Variants in GRID1 observed in about 807,000 individuals in gnomAD.
GRID1 encodes glutamate receptor ionotropic, delta-1.
A neutral mutation model predicts 98.0 loss-of-function variants in GRID1; 28 were observed. The ratio of observed to expected loss-of-function variants is 0.29; its 90% CI spans 0.21 to 0.39. The LOEUF is 0.39. Among genes scored for constraint, GRID1 ranks in the 10% least tolerant of loss-of-function variants. The pLI is 1.00. For synonymous variants in GRID1, 553 were observed against 538.5 expected, an observed-to-expected ratio of 1.03 and a Z score of -0.37; for missense variants, 1,111 against 1,340.5, an observed-to-expected ratio of 0.83 and a Z score of 2.67.
Position 86,121,243 on chromosome 10 carries a change from T to G in GRID1, c.726+17576A>C, listed in dbSNP as rs567057244. The stretch of plus-strand genomic sequence containing the variant: ...TCTCCTCCAGCCACCTCTCAAGCTG[T>G]GCTTTGGCTCTGTCCCTAAAGTTGC... On this transcript the variant is annotated intron_variant, in intron 4 of 15. Transcript: ENST00000327946. Among the ~76,000 whole-genome samples, 3 of 151,438 alleles carry G rather than the reference T, an allele frequency of 2.0e-5. No homozygotes were observed. In the East Asian group the frequency reaches 5.8e-4, roughly 29 times the overall value.
At chr10:86,160,629 T>C (rs1197513955) in intron 3 of GRID1, among the ~76,000 whole-genome samples, 1 of 152,178 alleles carries the variant, frequency 6.6e-6, no homozygotes, top group Non-Finnish European at 1.5e-5. Context: ...AAGCTCATCA[T>C]CAGCAACCCC....
intron 3 of GRID1, among the ~76,000 whole-genome samples, chr10:86,162,376 G>C (rs1026401367): frequency 3.3e-5 from 5 of 152,074 alleles, no homozygotes; most frequent in Non-Finnish European, 5.9e-5. Flanking sequence ...ACAGGAAGAA[G>C]AGCCATACAT....
At chr10:85,840,527 G>A (rs1231255428) in intron 8 of GRID1, among the ~76,000 whole-genome samples, 9 of 152,004 alleles carry the variant, frequency 5.9e-5, no homozygotes, top group Non-Finnish European at 1.3e-4. Flanking sequence ...CATCCAAATA[G>A]GAGGAGGAGA....
At chr10:86,340,670 G>A (rs932253490) in intron 2 of GRID1, among the ~76,000 whole-genome samples, 2 of 152,172 alleles carry the variant, frequency 1.3e-5, no homozygotes, top group Non-Finnish European at 2.9e-5. Context: ...GAAACTATCT[G>A]CATGAATAAC....
chr10:85,667,735 T>C (rs1168840389), intron 12 of GRID1, among the ~76,000 whole-genome samples: 1 of 152,120 alleles, frequency 6.6e-6, no homozygotes, highest in East Asian at 1.9e-4. Context: ...ACATGGTAGG[T>C]GGTCAAGAAA....
At chr10:85,842,168 C>T (rs7077108) in intron 8 of GRID1, among the ~76,000 whole-genome samples, 41,538 of 151,938 alleles carry the variant, frequency 0.27, 5,908 homozygotes, top group African/African-American at 0.34. Flanking sequence ...GATCATGTCC[C>T]TTGCAAGGAC....
intron 4 of GRID1, among the ~76,000 whole-genome samples, chr10:86,135,615 G>A (rs1177491815): frequency 6.6e-6 from 1 of 152,084 alleles, no homozygotes; most frequent in Non-Finnish European, 1.5e-5. Context: ...GGTGGGGCCT[G>A]ACACACAAGC....
chr10:85,933,937 T>C (rs894247294), intron 4 of GRID1, among the ~76,000 whole-genome samples: 2 of 152,230 alleles, frequency 1.3e-5, no homozygotes, highest in African/African-American at 4.8e-5. Context: ...GAAGGATGAA[T>C]GATTTAAAAA....
chr10:85,818,300 G>C (rs2131748624), intron 8 of GRID1, among the ~76,000 whole-genome samples: 1 of 151,848 alleles, frequency 6.6e-6, no homozygotes, highest in East Asian at 1.9e-4. Flanking sequence ...CCATCTATTT[G>C]TATCTACAAA....
chr10:85,803,871 A>G (rs1250135344), intron 8 of GRID1, among the ~76,000 whole-genome samples: 1 of 151,968 alleles, frequency 6.6e-6, no homozygotes, highest in Non-Finnish European at 1.5e-5. Flanking sequence ...CTCAAATAGC[A>G]AAGTTTATGG....
intron 8 of GRID1, among the ~76,000 whole-genome samples, chr10:85,741,350 A>C (rs1841941153): frequency 6.6e-6 from 1 of 152,122 alleles, no homozygotes; most frequent in Non-Finnish European, 1.5e-5. Flanking sequence ...GTCATGGTAA[A>C]GTATTTGAAT....
chr10:86,356,690 A>G (rs1329047559), intron 2 of GRID1, among the ~76,000 whole-genome samples: 2 of 152,240 alleles, frequency 1.3e-5, no homozygotes, highest in Admixed American at 6.5e-5. Context: ...TTGTTACTGC[A>G]GCATAACTTA....
At chr10:86,119,949 C>T (rs921967489) in intron 4 of GRID1, among the ~76,000 whole-genome samples, 16 of 152,050 alleles carry the variant, frequency 1.1e-4, no homozygotes, top group Admixed American at 2.6e-4. Context: ...CGCCACCATG[C>T]CCGGCTAATT....
At chr10:85,641,106 A>G (rs2132545944) in intron 13 of GRID1, among the ~76,000 whole-genome samples, 1 of 152,318 alleles carries the variant, frequency 6.6e-6, no homozygotes, top group Admixed American at 6.5e-5. Context: ...ATTAGGTCTG[A>G]TTTATGGAAA....
intron 4 of GRID1, among the ~76,000 whole-genome samples, chr10:85,922,319 T>C (rs993479523): frequency 2.0e-5 from 3 of 152,236 alleles, no homozygotes; most frequent in African/African-American, 7.2e-5. Context: ...ACTGTTTCTC[T>C]TTATCTTGGC....
intron 12 of GRID1, among the ~76,000 whole-genome samples, chr10:85,707,591 G>T (rs376543120): frequency 3.3e-5 from 5 of 152,176 alleles, no homozygotes; most frequent in East Asian, 3.9e-4. Flanking sequence ...AGTACCATTT[G>T]ACCCACCTAT....
At chr10:86,094,369 A>T (rs1844190950) in intron 4 of GRID1, among the ~76,000 whole-genome samples, 1 of 152,232 alleles carries the variant, frequency 6.6e-6, no homozygotes, top group South Asian at 2.1e-4. Flanking sequence ...AGAGAAAGAA[A>T]TAAAGGGCAT....
At chr10:85,888,549 G>A (rs1841149436) in intron 5 of GRID1, among the ~76,000 whole-genome samples, 1 of 152,132 alleles carries the variant, frequency 6.6e-6, no homozygotes, top group Admixed American at 6.5e-5. Context: ...TTAACCATAA[G>A]CACAAGGTGG....
chr10:85,671,942 C>T (rs976478806), intron 12 of GRID1, among the ~76,000 whole-genome samples: 3 of 152,138 alleles, frequency 2.0e-5, no homozygotes, highest in African/African-American at 7.2e-5. Flanking sequence ...TCAATTTTAA[C>T]GAAGGCTGAG....
Sources: gnomAD v4.1 joint callset for allele counts (sites outside exome capture counted in the v4.1 genomes callset) on GRCh38, gnomAD v4.1.1 for gene constraint, MANE v1.5 for transcripts, NCBI Gene and HGNC (gene_info 2026-07-23, HGNC 2026-07-21) for gene names.